NHLH1: variants seen among roughly 807,000 people sequenced by gnomAD.
NHLH1 encodes helix-loop-helix protein 1.
NHLH1 carries 3 observed loss-of-function variants against 6.7 expected under a neutral mutation model. The observed-to-expected ratio is 0.44, with a 90% confidence interval of 0.20 to 1.15. The LOEUF is 1.15. NHLH1 is among the 50% of genes most tolerant of loss of function. The pLI is 0.26. For missense variants in NHLH1, 177 were observed against 189.5 expected, an observed-to-expected ratio of 0.93 and a Z score of 0.39; for synonymous variants, 92 against 84.2, an observed-to-expected ratio of 1.09 and a Z score of -0.51.
At chr1:160,367,862 G>A (rs374660125) in intron 1 of NHLH1, among the ~76,000 whole-genome samples, 1 of 152,190 alleles carries the variant, frequency 6.6e-6, no homozygotes, top group Non-Finnish European at 1.5e-5. Flanking sequence ...GCCCCAGCAT[G>A]GGGGGTGGGG....
chr1:160,370,761 G>A lies in NHLH1; in HGVS notation c.30G>A (p.Leu10=). The change falls in exon 2 of 2, where the codon CTG becomes CTA. Residue 10 remains leucine (L), a synonymous_variant. Transcript: ENST00000302101. ...TGCTCAACTCAGACACCATGGAGCT[G>A]GACCTGCCGCCCACCCACTCAGAGA... The part of the protein sequence containing the change: MMLNSDTME[L]DLPPTHSETE... 6.2e-7 allele frequency: 1 copy of A among 1,613,054 alleles called. No individual in the cohort carries two copies. Among genetic ancestry groups the A allele is most frequent in the South Asian group, 1.1e-5 (1 of 91,006 alleles).
In NHLH1 at chr1:160,370,718, AG is replaced by A. The variant is rs774468306; in HGVS notation, c.-9del. The A allele has an allele frequency of 8.7e-6, 14 of 1,611,624 alleles. No individual in the cohort carries two copies. Among genetic ancestry groups the A allele is most frequent in the African/African-American group, 1.3e-5 (1 of 74,826 alleles). The stretch of plus-strand genomic sequence containing the variant: ...GGAGGGGATCCTGATCTCACAGGGC[AG>A]GGGGCTTCCATCATGATGCTCAACT... On this transcript the variant is annotated 5_prime_UTR_variant, in exon 2 of 2. Coordinates refer to ENST00000302101, the MANE Select transcript of NHLH1 (RefSeq NM_005598.4).
In NHLH1 at chr1:160,370,665, G is replaced by C; in HGVS notation, c.-67G>C. On this transcript the variant is annotated 5_prime_UTR_variant, in exon 2 of 2. Transcript: ENST00000302101. ...CCCCTTCCTCCCCCTCCCACCACCAGCTTTCAAGCTCCCAGAGGGAGGGGT... is the reference window on the plus strand; with the variant it reads ...CCCCTTCCTCCCCCTCCCACCACCACCTTTCAAGCTCCCAGAGGGAGGGGT... The C allele has an allele frequency of 6.5e-7, 1 of 1,537,324 alleles. No homozygotes were observed. Among genetic ancestry groups the C allele is most frequent in the Non-Finnish European group, 8.9e-7 (1 of 1,127,230 alleles).
Position 160,371,322 on chromosome 1 carries a change from C to A in NHLH1, c.*189C>A. The A allele has an allele frequency of 2.3e-6, 2 of 887,792 alleles. No homozygotes were observed. Among genetic ancestry groups the A allele is most frequent in the Non-Finnish European group, 3.3e-6 (2 of 607,718 alleles). 55.0% of individuals were successfully genotyped at this position (887,792 alleles called of 1,614,324 possible). Reference sequence around the variant, plus strand: ...TTCTCTGACCCAGGCACCTCGAGGGCTATTCTCCTGGGTTCCTTCCGGGGT... The same window carrying A: ...TTCTCTGACCCAGGCACCTCGAGGGATATTCTCCTGGGTTCCTTCCGGGGT... On this transcript the variant is annotated 3_prime_UTR_variant, in exon 2 of 2. Coordinates refer to ENST00000302101, the MANE Select transcript of NHLH1 (RefSeq NM_005598.4).
chr1:160,372,204 T>A lies in NHLH1; in HGVS notation c.*1071T>A, dbSNP rs1485452629. 1 of 167,048 alleles carries A rather than the reference T, an allele frequency of 6.0e-6. No homozygotes were observed. Among genetic ancestry groups the A allele is most frequent in the Non-Finnish European group, 1.5e-5 (1 of 68,124 alleles). The allele number at this position is 167,048 out of a possible 1,614,324, so 10.3% of individuals were successfully genotyped here. ...CTGCGCCCCTACTCCATGCTGCTGA[T>A]CCCCACCTGCGCACTATAGCTCAGG... On this transcript the variant is annotated 3_prime_UTR_variant, in exon 2 of 2. Coordinates refer to ENST00000302101, the MANE Select transcript of NHLH1 (RefSeq NM_005598.4).
rs755094268 is a variant in NHLH1, at chr1:160,371,051, C to T, written c.320C>T (p.Pro107Leu). The T allele has an allele frequency of 6.2e-7, 1 of 1,614,124 alleles. No individual in the cohort carries two copies. The highest frequency in any genetic ancestry group is 8.5e-7 in the Non-Finnish European group (1 of 1,180,010). ...ELRKLLPTLPPDKKLSKIEIL... is the reference protein window; with the variant it reads ...ELRKLLPTLPLDKKLSKIEIL... ...CGCAAGCTGCTGCCTACGCTGCCCC[C>T]CGACAAGAAGCTCTCCAAGATTGAG... is the stretch of plus-strand genomic sequence containing the variant. Residue 107 changes from proline to leucine, a missense_variant, in exon 2 of 2, where the codon CCC (proline) becomes CTC (leucine). Coordinates refer to ENST00000302101, the MANE Select transcript of NHLH1 (RefSeq NM_005598.4).
intron 1 of NHLH1, among the ~76,000 whole-genome samples, chr1:160,369,866 A>C (rs1357836979): frequency 1.3e-5 from 2 of 152,146 alleles, no homozygotes; most frequent in African/African-American, 4.8e-5. Context: ...CAGGGCTCTT[A>C]GGATGTCCAT....
Position 160,371,202 on chromosome 1 carries a change from C to T in NHLH1, c.*69C>T, listed in dbSNP as rs537350626. 6.5e-6 allele frequency: 10 copies of T among 1,529,960 alleles called. No individual in the cohort carries two copies. The highest frequency in any genetic ancestry group is 6.4e-5 in the Admixed American group (3 of 46,902). 94.8% of individuals were successfully genotyped at this position (1,529,960 alleles called of 1,614,324 possible). On this transcript the variant is annotated 3_prime_UTR_variant, in exon 2 of 2. Transcript: ENST00000302101. The stretch of plus-strand genomic sequence containing the variant: ...TCCACCGCTCACTGCTTAGAAAGGC[C>T]GCATCCTCCCCGAGCCCTTATACCT...
At position 160,370,738 on chromosome 1, in the gene NHLH1, C is replaced by A; in HGVS notation, c.7C>A (p.Leu3Ile). 6.2e-7 allele frequency: 1 copy of A among 1,612,810 alleles called. No individual in the cohort carries two copies. The highest frequency in any genetic ancestry group is 8.5e-7 in the Non-Finnish European group (1 of 1,179,624). Residue 3 changes from leucine (L) to isoleucine (I), a missense_variant, in exon 2 of 2, where the codon CTC (leucine) becomes ATC (isoleucine). By Grantham distance (5) the Leu-to-Ile change is conservative. Coordinates refer to ENST00000302101, the MANE Select transcript of NHLH1 (RefSeq NM_005598.4). ...AGGGCAGGGGGCTTCCATCATGATG[C>A]TCAACTCAGACACCATGGAGCTGGA... MMLNSDTMELDLP... is the reference protein window; with the variant it reads MMINSDTMELDLP...
At position 160,371,179 on chromosome 1, in the gene NHLH1, C is replaced by T. The variant is rs1649618417; in HGVS notation, c.*46C>T. Reference sequence around the variant, plus strand: ...CCCGGGCCTCTCTGGGGCCCCTTTCCACCGCTCACTGCTTAGAAAGGCCGC... The same window carrying T: ...CCCGGGCCTCTCTGGGGCCCCTTTCTACCGCTCACTGCTTAGAAAGGCCGC... On this transcript the variant is annotated 3_prime_UTR_variant, in exon 2 of 2. Transcript: ENST00000302101. 6.4e-7 allele frequency: 1 copy of T among 1,556,888 alleles called. No homozygotes were observed. The highest frequency in any genetic ancestry group is 1.2e-5 in the South Asian group (1 of 81,760).
rs972629224 is a variant in NHLH1, at chr1:160,371,835, C to T, written c.*702C>T. The T allele has an allele frequency of 1.2e-5, 2 of 167,112 alleles. No homozygotes were observed. Among genetic ancestry groups the T allele is most frequent in the African/African-American group, 2.4e-5 (1 of 41,398 alleles). 10.4% of individuals were successfully genotyped at this position (167,112 alleles called of 1,614,324 possible). On this transcript the variant is annotated 3_prime_UTR_variant, in exon 2 of 2. Transcript: ENST00000302101. ...CCTCTTTGAGCTATTTGGCTACTTCCCTGTCCCTCTGACTCCTACTGTCCC... is the reference window on the plus strand; with the variant it reads ...CCTCTTTGAGCTATTTGGCTACTTCTCTGTCCCTCTGACTCCTACTGTCCC...
Position 160,371,842 on chromosome 1 carries a change from C to T in NHLH1, c.*709C>T, listed in dbSNP as rs918480043. Reference sequence around the variant, plus strand: ...GAGCTATTTGGCTACTTCCCTGTCCCTCTGACTCCTACTGTCCCAATTTTC... The same window carrying T: ...GAGCTATTTGGCTACTTCCCTGTCCTTCTGACTCCTACTGTCCCAATTTTC... On this transcript the variant is annotated 3_prime_UTR_variant, in exon 2 of 2. Transcript: ENST00000302101. The T allele has an allele frequency of 1.9e-4, 31 of 167,028 alleles. No individual in the cohort carries two copies. Among genetic ancestry groups the T allele is most frequent in the African/African-American group, 6.8e-4 (28 of 41,358 alleles). The allele number at this position is 167,028 out of a possible 1,614,324, so 10.3% of individuals were successfully genotyped here. A position where few individuals can be genotyped will look rare whatever the true frequency, so the allele number is the denominator to read the frequency against.
At chr1:160,369,815 G>A (rs1157324768) in intron 1 of NHLH1, among the ~76,000 whole-genome samples, 2 of 152,048 alleles carry the variant, frequency 1.3e-5, no homozygotes, top group African/African-American at 4.8e-5. Flanking sequence ...TGGGGTACAA[G>A]TGCAATTTTG....
rs921825288 is a variant in NHLH1 at position 160,370,616 on chromosome 1, T to C, written c.-116T>C. The C allele has an allele frequency of 3.1e-6, 3 of 973,140 alleles. No homozygotes were observed. Among genetic ancestry groups the C allele is most frequent in the African/African-American group, 1.6e-5 (1 of 60,808 alleles). 60.3% of individuals were successfully genotyped at this position (973,140 alleles called of 1,614,324 possible). ...AGTGGCAGTGACTTCTAGAGCTCAG[T>C]GGCAGACCCCACGACCCTTCCTCCC... On this transcript the variant is annotated 5_prime_UTR_variant, in exon 2 of 2. Coordinates refer to ENST00000302101, the MANE Select transcript of NHLH1 (RefSeq NM_005598.4).
Position 160,371,274 on chromosome 1 carries a change from G to A in NHLH1, c.*141G>A. On this transcript the variant is annotated 3_prime_UTR_variant, in exon 2 of 2. Transcript: ENST00000302101. ...CTGGGCACAGGCAGAGAGCCCACCG[G>A]CTGGTCATGAGGGCCTCTTCCTTTC... is the stretch of plus-strand genomic sequence containing the variant. 1 of 1,370,458 alleles carries A rather than the reference G, an allele frequency of 7.3e-7. No homozygotes were observed. Among genetic ancestry groups the A allele is most frequent in the Non-Finnish European group, 9.7e-7 (1 of 1,033,862 alleles). The allele number at this position is 1,370,458 out of a possible 1,614,324, so 84.9% of individuals were successfully genotyped here.
intron 1 of NHLH1, among the ~76,000 whole-genome samples, chr1:160,367,762 TGAAG>T (rs755012702): frequency 2.6e-5 from 4 of 151,940 alleles, no homozygotes; most frequent in Non-Finnish European, 4.4e-5. Flanking sequence ...TGATGAGGGA[TGAAG>T]GAACATAGGG....
At position 160,371,276 on chromosome 1, in the gene NHLH1, T is replaced by G; in HGVS notation, c.*143T>G. 7.4e-7 allele frequency: 1 copy of G among 1,348,078 alleles called. No homozygotes were observed. Among genetic ancestry groups the G allele is most frequent in the Non-Finnish European group, 9.9e-7 (1 of 1,014,776 alleles). The allele number at this position is 1,348,078 out of a possible 1,614,324, so 83.5% of individuals were successfully genotyped here. On this transcript the variant is annotated 3_prime_UTR_variant, in exon 2 of 2. Transcript: ENST00000302101. ...GGGCACAGGCAGAGAGCCCACCGGC[T>G]GGTCATGAGGGCCTCTTCCTTTCTC...
At position 160,371,249 on chromosome 1, in the gene NHLH1, C is replaced by G; in HGVS notation, c.*116C>G. ...ACCTTGGCATGGAGTCCCAAAGGCC[C>G]TGGGCACAGGCAGAGAGCCCACCGG... On this transcript the variant is annotated 3_prime_UTR_variant, in exon 2 of 2. Coordinates refer to ENST00000302101, the MANE Select transcript of NHLH1 (RefSeq NM_005598.4). The G allele has an allele frequency of 1.4e-6, 2 of 1,464,706 alleles. No homozygotes were observed. Among genetic ancestry groups the G allele is most frequent in the South Asian group, 1.4e-5 (1 of 69,434 alleles). 90.7% of individuals were successfully genotyped at this position (1,464,706 alleles called of 1,614,324 possible). A position where few individuals can be genotyped will look rare whatever the true frequency, so the allele number is the denominator to read the frequency against.
At position 160,370,687 on chromosome 1, in the gene NHLH1, G is replaced by A. The variant is rs1452819986; in HGVS notation, c.-45G>A. The A allele has an allele frequency of 6.3e-7, 1 of 1,592,352 alleles. No individual in the cohort carries two copies. The highest frequency in any genetic ancestry group is 1.3e-5 in the African/African-American group (1 of 74,378). ...CCAGCTTTCAAGCTCCCAGAGGGAG[G>A]GGTGGGGAGGGGATCCTGATCTCAC... On this transcript the variant is annotated 5_prime_UTR_variant, in exon 2 of 2. Transcript: ENST00000302101.
Sources: gnomAD v4.1 joint callset for allele counts (sites outside exome capture counted in the v4.1 genomes callset) on GRCh38, gnomAD v4.1.1 for gene constraint, MANE v1.5 for transcripts, NCBI Gene and HGNC (gene_info 2026-07-23, HGNC 2026-07-21) for gene names.